Variants in ATG3 observed in about 807,000 individuals in gnomAD.
ATG3 encodes autophagy related 3, also known as ubiquitin-like-conjugating enzyme ATG3.
ATG3 carries 25 observed loss-of-function variants against 50.7 expected under a neutral mutation model. The ratio of observed to expected loss-of-function variants is 0.49; its 90% CI spans 0.36 to 0.69. The LOEUF (loss-of-function observed/expected upper bound fraction) is 0.69. ATG3 is among the 30% of genes least tolerant of loss of function. The pLI is 0.00. For missense variants in ATG3, 281 were observed against 376.0 expected (o/e 0.75, Z 2.09); for synonymous variants, 119 against 125.5 (o/e 0.95, Z 0.34).
chr3:112,559,124 C>T (rs1044922041), intron 1 of ATG3, among the ~76,000 whole-genome samples: 1 of 152,176 alleles, frequency 6.6e-6, no homozygotes, highest in Non-Finnish European at 1.5e-5. Flanking sequence ...CTTTATTTTA[C>T]AGCACAGCAA....
At position 112,550,098 on chromosome 3, in the gene ATG3, T is replaced by C. The variant is rs985431055; in HGVS notation, c.235+94A>G. ...AAATAACAGAAAGAGGTGATAAAAC[T>C]AAGGAAAAAATTTTCAAGCAATAGA... On this transcript the variant is annotated intron_variant, in intron 4 of 11. Coordinates refer to ENST00000283290, the MANE Select transcript of ATG3 (RefSeq NM_022488.5). 23 of 880,486 alleles carry C rather than the reference T, an allele frequency of 2.6e-5. No homozygotes were observed. The South Asian group carries it at 3.9e-4, about 15-fold the overall frequency. The allele number at this position is 880,486 out of a possible 1,614,324, so 54.5% of individuals were successfully genotyped here.
intron 4 of ATG3, 36 bp downstream of exon 4, chr3:112,550,156 C>A: frequency 6.7e-7 from 1 of 1,496,798 alleles, no homozygotes; most frequent in Non-Finnish European, 9.2e-7. Context: ...TATACCTCTA[C>A]GCAAAATTTA....
intron 3 of ATG3, among the ~76,000 whole-genome samples, chr3:112,551,430 A>T (rs191020633): frequency 1.3e-5 from 2 of 152,270 alleles, no homozygotes; most frequent in East Asian, 3.9e-4. Flanking sequence ...TTTAAAATGA[A>T]TTTTTCCTTT....
At chr3:112,551,233 G>A (rs1933517486) in intron 3 of ATG3, among the ~76,000 whole-genome samples, 1 of 152,174 alleles carries the variant, frequency 6.6e-6, no homozygotes, top group East Asian at 1.9e-4. Context: ...CTGGGCACAA[G>A]GTAAAGTCAG....
At chr3:112,543,904 G>C (rs139651167) in intron 6 of ATG3, 153 bp downstream of exon 6, 2 of 507,686 alleles carry the variant, frequency 3.9e-6, no homozygotes, top group Admixed American at 3.5e-5. Context: ...AAAATGAATG[G>C]GGAAGAAAAC....
intron 6 of ATG3, 163 bp downstream of exon 6, chr3:112,543,894 A>C (rs1281516467): frequency 4.0e-6 from 2 of 501,740 alleles, no homozygotes; most frequent in Non-Finnish European, 7.1e-6. Flanking sequence ...TTGAGACAGA[A>C]AAATGAATGG....
chr3:112,559,661 C>A (rs530119491), intron 1 of ATG3, among the ~76,000 whole-genome samples: 1 of 152,120 alleles, frequency 6.6e-6, no homozygotes, highest in Non-Finnish European at 1.5e-5. Flanking sequence ...GTGCGAAGCG[C>A]GTTTCAGATA....
intron 5 of ATG3, 141 bp downstream of exon 5, chr3:112,548,392 T>C (rs192855858): frequency 5.6e-6 from 4 of 709,910 alleles, no homozygotes; most frequent in Non-Finnish European, 9.2e-6. Context: ...TTTTTAAAAT[T>C]TGTCCTCCTG....
chr3:112,561,650 C>CCGAGGGGACGGGACGCGACG lies in ATG3; in HGVS notation c.-142_-123dup. 1 of 1,017,218 alleles carries CCGAGGGGACGGGACGCGACG rather than the reference C, an allele frequency of 9.8e-7. No homozygotes were observed. Among genetic ancestry groups the CCGAGGGGACGGGACGCGACG allele is most frequent in the South Asian group, 1.5e-5 (1 of 67,824 alleles). The allele number at this position is 1,017,218 out of a possible 1,614,324, so 63.0% of individuals were successfully genotyped here. A position where few individuals can be genotyped will look rare whatever the true frequency, so the allele number is the denominator to read the frequency against. ...CGCATCAGCACCCGGCTGGCAGCAC[C>CCGAGGGGACGGGACGCGACG]CGAGGGGACGGGACGCGACGCGACG... On this transcript the variant is annotated 5_prime_UTR_variant, in exon 1 of 12. Transcript: ENST00000283290.
chr3:112,540,270 CAGAA>C (rs1933190239), intron 7 of ATG3, among the ~76,000 whole-genome samples: 1 of 152,184 alleles, frequency 6.6e-6, no homozygotes, highest in African/African-American at 2.4e-5. Context: ...TGAAAACAAA[CAGAA>C]AGGTACTTTT....
chr3:112,556,201 T>C (rs1006030823), intron 2 of ATG3, among the ~76,000 whole-genome samples: 3 of 152,256 alleles, frequency 2.0e-5, no homozygotes, highest in African/African-American at 7.2e-5. Context: ...CGTTATTTTA[T>C]AGATGAGGAA....
intron 2 of ATG3, among the ~76,000 whole-genome samples, chr3:112,556,628 T>C (rs997825584): frequency 4.6e-5 from 7 of 152,240 alleles, no homozygotes; most frequent in African/African-American, 1.7e-4. Flanking sequence ...ATGGTTGCCA[T>C]GTCTGTGTAG....
chr3:112,553,181 G>C, intron 3 of ATG3, 99 bp downstream of exon 3: 2 of 979,752 alleles, frequency 2.0e-6, no homozygotes, highest in Non-Finnish European at 3.2e-6. Flanking sequence ...AGTTAAACTG[G>C]TCATTCTAAT....
chr3:112,553,206 C>T, intron 3 of ATG3, 74 bp downstream of exon 3: 1 of 1,264,132 alleles, frequency 7.9e-7, no homozygotes, highest in South Asian at 1.2e-5. Context: ...ATCCATTAAC[C>T]TATTTTGCAA....
intron 4 of ATG3, among the ~76,000 whole-genome samples, chr3:112,549,798 C>CAAA (rs71631400): frequency 4.3e-5 from 5 of 116,792 alleles, no homozygotes; most frequent in South Asian, 2.8e-4. Flanking sequence ...TCAAAACAAC[C>CAAA]AAAAAAAAAA....
rs536186376 is a variant in ATG3, at chr3:112,546,692, A to G, written c.343+1841T>C. On this transcript the variant is annotated intron_variant, in intron 5 of 11. Transcript: ENST00000283290. The stretch of plus-strand genomic sequence containing the variant: ...GAAAAAGGAACCAGTATCTGGCCTC[A>G]TAAGTCACTAACTTGACATCAAAAA... Among the ~76,000 whole-genome samples, 80 of 152,344 alleles carry G rather than the reference A, an allele frequency of 5.3e-4. No individual in the cohort carries two copies. In the Middle Eastern group the frequency reaches 0.014, roughly 26 times the overall value.
chr3:112,561,012 G>A (rs1933848609), intron 1 of ATG3, among the ~76,000 whole-genome samples: 1 of 152,116 alleles, frequency 6.6e-6, no homozygotes, highest in African/African-American at 2.4e-5. Context: ...CACTACAGCG[G>A]ACTTTCATGA....
intron 1 of ATG3, among the ~76,000 whole-genome samples, chr3:112,558,830 G>A (rs1002949295): frequency 2.0e-5 from 3 of 151,786 alleles, no homozygotes; most frequent in African/African-American, 4.8e-5. Context: ...TCCACCTCCC[G>A]GGTTCAAGCG....
chr3:112,542,898 G>A (rs943116860), intron 6 of ATG3, among the ~76,000 whole-genome samples: 12 of 151,936 alleles, frequency 7.9e-5, no homozygotes, highest in African/African-American at 2.9e-4. Context: ...ATATAGTAAT[G>A]GTCAGAGTAA....
Sources: gnomAD v4.1 joint callset for allele counts (sites outside exome capture counted in the v4.1 genomes callset) on GRCh38, gnomAD v4.1.1 for gene constraint, MANE v1.5 for transcripts, NCBI Gene and HGNC (gene_info 2026-07-23, HGNC 2026-07-21) for gene names.